Variants in PHACTR3 observed in about 807,000 individuals in gnomAD.
PHACTR3 encodes the protein protein phosphatase 1, regulatory subunit 123.
PHACTR3 carries 16 observed loss-of-function variants against 66.8 expected under a neutral mutation model. The ratio of observed to expected loss-of-function variants is 0.24; its 90% CI spans 0.16 to 0.36. The LOEUF is 0.36. PHACTR3 is among the 10% of genes least tolerant of loss of function. The pLI is 1.00. For missense variants in PHACTR3, 647 were observed against 719.9 expected (o/e 0.90, Z 1.16); for synonymous variants, 323 against 292.1 (o/e 1.11, Z -1.08).
intron 1 of PHACTR3, among the ~76,000 whole-genome samples, chr20:59,700,394 C>T (rs950034375): frequency 3.3e-5 from 5 of 152,156 alleles, no homozygotes; most frequent in Admixed American, 3.3e-4. Flanking sequence ...AACATATGTT[C>T]TGATGACTGC....
intron 1 of PHACTR3, among the ~76,000 whole-genome samples, chr20:59,615,525 T>C: frequency 6.6e-6 from 1 of 152,220 alleles, no homozygotes; most frequent in East Asian, 1.9e-4. Context: ...CCTTCTGTGC[T>C]GTATCCCATT....
chr20:59,605,012 C>T lies in PHACTR3; in HGVS notation c.-3C>T. ...CTAACTTGCCCCCGCGCCGGCCGGG[C>T]CCATGGCCGCGTCGGAGGACGGGAG... On this transcript the variant is annotated 5_prime_UTR_variant, in exon 1 of 13. Transcript: ENST00000371015. 1 of 1,327,106 alleles carries T rather than the reference C, an allele frequency of 7.5e-7. No homozygotes were observed. The highest frequency in any genetic ancestry group is 9.7e-7 in the Non-Finnish European group (1 of 1,032,194). The allele number at this position is 1,327,106 out of a possible 1,614,324, so 82.2% of individuals were successfully genotyped here.
Position 59,604,878 on chromosome 20 carries a change from T to TTG in PHACTR3, c.-136_-135insGT. On this transcript the variant is annotated 5_prime_UTR_variant, in exon 1 of 13. Transcript: ENST00000371015. ...CTCCAGCTCGTTTCCTTTCCCGGCC[T>TTG]TTTTTTTTTTTTTTTTTTTTTAATT... 1.8e-4 allele frequency: 32 copies of TTG among 177,950 alleles called. No homozygotes were observed. Among genetic ancestry groups the TTG allele is most frequent in the East Asian group, 1.8e-3 (7 of 3,912 alleles). The allele number at this position is 177,950 out of a possible 1,614,324, so 11.0% of individuals were successfully genotyped here. A position where few individuals can be genotyped will look rare whatever the true frequency, so the allele number is the denominator to read the frequency against.
intron 5 of PHACTR3, 111 bp downstream of exon 5, chr20:59,767,506 T>TCATC: frequency 8.1e-7 from 1 of 1,239,706 alleles, no homozygotes; most frequent in South Asian, 1.4e-5. Flanking sequence ...ACCCATTCAC[T>TCATC]CATCCATCCA....
chr20:59,747,630 T>TA, intron 2 of PHACTR3, 128 bp from the exon 3 acceptor site: 1 of 1,060,178 alleles, frequency 9.4e-7, no homozygotes, highest in Non-Finnish European at 1.4e-6. Context: ...CTAGGCCCCC[T>TA]AACCCCGAGG....
chr20:59,715,314 C>A (rs919967533), intron 1 of PHACTR3, among the ~76,000 whole-genome samples: 12 of 152,142 alleles, frequency 7.9e-5, no homozygotes, highest in African/African-American at 2.9e-4. Flanking sequence ...TCCTAATCTG[C>A]TGGCAGTTTC....
intron 1 of PHACTR3, among the ~76,000 whole-genome samples, chr20:59,624,078 G>A (rs970151942): frequency 4.6e-5 from 7 of 152,274 alleles, no homozygotes; most frequent in Non-Finnish European, 8.8e-5. Flanking sequence ...TGGAGGGTGG[G>A]GACATAAGAG....
intron 4 of PHACTR3, among the ~76,000 whole-genome samples, chr20:59,760,358 G>A (rs368400172): frequency 6.6e-6 from 1 of 152,158 alleles, no homozygotes; most frequent in Non-Finnish European, 1.5e-5. Context: ...GCCCGATATG[G>A]TTTGGCTGTG....
chr20:59,785,319 C>T (rs1489240165), intron 7 of PHACTR3, among the ~76,000 whole-genome samples: 1 of 152,186 alleles, frequency 6.6e-6, no homozygotes, highest in Non-Finnish European at 1.5e-5. Flanking sequence ...ACACCAGTTC[C>T]ATCAGATCAG....
chr20:59,577,653 G>A lies in PHACTR3; in HGVS notation c.109+36G>A, dbSNP rs55813568. The A allele has an allele frequency of 9.3e-6, 11 of 1,185,672 alleles. No individual in the cohort carries two copies. In the African/African-American group the frequency reaches 1.8e-4, roughly 19 times the overall value. The allele number at this position is 1,185,672 out of a possible 1,614,324, so 73.4% of individuals were successfully genotyped here. ...GCTGCGGGGAGGGGACGCGGGACGT[G>A]GGGCCCGGGGTGCCCGCCGGGCACG... is the stretch of plus-strand genomic sequence containing the variant. On this transcript the variant is annotated intron_variant, in intron 1 of 12. Transcript: ENST00000359926.
intron 1 of PHACTR3, among the ~76,000 whole-genome samples, chr20:59,707,965 T>C (rs560791254): frequency 6.6e-6 from 1 of 152,246 alleles, no homozygotes; most frequent in Non-Finnish European, 1.5e-5. Flanking sequence ...TGAAATGGAC[T>C]AACCTGGGAA....
chr20:59,641,864 T>C (rs1013983183), intron 1 of PHACTR3, among the ~76,000 whole-genome samples: 1 of 152,258 alleles, frequency 6.6e-6, no homozygotes, highest in Non-Finnish European at 1.5e-5. Context: ...TATGCAGCAA[T>C]GATACCCTAG....
intron 1 of PHACTR3, among the ~76,000 whole-genome samples, chr20:59,709,325 C>T (rs1308333432): frequency 6.6e-6 from 1 of 152,180 alleles, no homozygotes; most frequent in Admixed American, 6.5e-5. Context: ...GGTCCCTTTG[C>T]CAATGAATTT....
At chr20:59,741,611 C>T (rs1568767941) in intron 1 of PHACTR3, among the ~76,000 whole-genome samples, 1 of 152,170 alleles carries the variant, frequency 6.6e-6, no homozygotes. Context: ...CTAACTTTAC[C>T]ATTTTGTTAG....
In PHACTR3 at chr20:59,801,018, A is replaced by G. The variant is rs530602306; in HGVS notation, c.1175-5023A>G. On this transcript the variant is annotated intron_variant, in intron 7 of 12. Transcript: ENST00000371015. ...TGCCATGTGTGCACCGGGCACTGCT[A>G]TCTCATCATTTCAGAGGATTCTTTC... 1.6e-4 allele frequency among the ~76,000 whole-genome samples: 24 copies of G among 152,228 alleles called. No homozygotes were observed. The South Asian group carries it at 5.0e-3, about 32-fold the overall frequency.
chr20:59,748,979 T>G (rs978252750), intron 3 of PHACTR3, among the ~76,000 whole-genome samples: 2 of 152,188 alleles, frequency 1.3e-5, no homozygotes, highest in African/African-American at 4.8e-5. Context: ...CTCTTTAGAC[T>G]CGAAGAGTGA....
Position 59,683,998 on chromosome 20 carries a change from A to G in PHACTR3, c.119-59109A>G, listed in dbSNP as rs922756664. Among the ~76,000 whole-genome samples the G allele has an allele frequency of 2.0e-5, 3 of 152,192 alleles. No individual in the cohort carries two copies. In the South Asian group the frequency reaches 6.2e-4, roughly 32 times the overall value. On this transcript the variant is annotated intron_variant, in intron 1 of 12. Transcript: ENST00000371015. The stretch of plus-strand genomic sequence containing the variant: ...CAAACTGCAATTTGCAAGAACGCAG[A>G]GAGGGGCAATGGCTGTTTATTCTAG...
intron 1 of PHACTR3, among the ~76,000 whole-genome samples, chr20:59,728,071 T>C (rs1038472331): frequency 1.3e-5 from 2 of 152,226 alleles, no homozygotes; most frequent in Non-Finnish European, 1.5e-5. Flanking sequence ...AGTGTACAAT[T>C]CAGTGGCATT....
intron 1 of PHACTR3, among the ~76,000 whole-genome samples, chr20:59,670,605 T>TTGTG (rs34824435): frequency 2.1e-5 from 1 of 47,168 alleles, no homozygotes; most frequent in African/African-American, 4.8e-5. Context: ...CTGCCGGGGG[T>TTGTG]GGGGGGGGGG....
Sources: gnomAD v4.1 joint callset for allele counts (sites outside exome capture counted in the v4.1 genomes callset) on GRCh38, gnomAD v4.1.1 for gene constraint, MANE v1.5 for transcripts, NCBI Gene and HGNC (gene_info 2026-07-23, HGNC 2026-07-21) for gene names.